Variants in SUMO3 observed in about 807,000 individuals in gnomAD.
SUMO3 encodes the protein small ubiquitin like modifier 3.
SUMO3 carries 2 observed loss-of-function variants against 11.1 expected under a neutral mutation model. That is an observed-to-expected ratio of 0.18 (90% CI 0.07 to 0.57). SUMO3 has a LOEUF of 0.57. Ranked by LOEUF, SUMO3 falls within the 20% of genes least tolerant of loss-of-function variation. The probability of loss-of-function intolerance (pLI) is 0.92; values close to 1 mark genes in which losing one functional copy is unlikely to be tolerated. For synonymous variants in SUMO3, 56 were observed against 53.5 expected (o/e 1.05, Z -0.20); for missense variants, 70 against 132.8 (o/e 0.53, Z 2.32).
At position 44,810,661 on chromosome 21, in the gene SUMO3, A is replaced by G. The variant is rs192275904; in HGVS notation, c.151-1543T>C. Among the ~76,000 whole-genome samples, 13 of 152,276 alleles carry G rather than the reference A, an allele frequency of 8.5e-5. No homozygotes were observed. In the East Asian group the frequency reaches 2.1e-3, roughly 25 times the overall value. On this transcript the variant is annotated intron_variant, in intron 2 of 3. Transcript: ENST00000332859. The surrounding 1 kb of genome is among the most constrained non-coding windows in gnomAD (Gnocchi z 4.1). ...CTGGAGGACTCAACTCTCAAACTGT[A>G]GCATCTGGGCGCCTCCAGAACCTGC... is the stretch of plus-strand genomic sequence containing the variant.
chr21:44,809,665 C>T (rs2083199108), intron 2 of SUMO3, among the ~76,000 whole-genome samples: 2 of 152,208 alleles, frequency 1.3e-5, no homozygotes, highest in African/African-American at 2.4e-5. Flanking sequence ...GTCACAGTGA[C>T]GCTAGCTCAG....
chr21:44,817,867 G>A (rs969326286), intron 1 of SUMO3, 81 bp downstream of exon 1: 1 of 560,064 alleles, frequency 1.8e-6, no homozygotes, highest in East Asian at 6.8e-5. Context: ...GACGCGGGGC[G>A]GAGTCGGGGT....
chr21:44,811,853 G>C lies in SUMO3; in HGVS notation c.150+2123C>G, dbSNP rs1173698910. Among the ~76,000 whole-genome samples, 2 of 152,102 alleles carry C rather than the reference G, an allele frequency of 1.3e-5. No homozygotes were observed. Among genetic ancestry groups the C allele is most frequent in the Non-Finnish European group, 2.9e-5 (2 of 68,020 alleles). ...GTCTGGAGAAGGATACAAATTATCA[G>C]AGAACTAACATAAGGCATATTTCCT... On this transcript the variant is annotated intron_variant, in intron 2 of 3. Coordinates refer to ENST00000332859, the MANE Select transcript of SUMO3 (RefSeq NM_006936.3). The surrounding 1 kb of genome is among the most constrained non-coding windows in gnomAD (Gnocchi z 5.0).
chr21:44,816,812 C>T (rs950525967), intron 1 of SUMO3, among the ~76,000 whole-genome samples: 7 of 149,604 alleles, frequency 4.7e-5, no homozygotes, highest in Admixed American at 2.0e-4. Context: ...GAGGGGTGGG[C>T]GCGCATGGTG....
In SUMO3 at chr21:44,806,663, A is replaced by G. The variant is rs1439112679; in HGVS notation, c.*288T>C. The G allele has an allele frequency of 3.2e-6, 2 of 617,610 alleles. No homozygotes were observed. The highest frequency in any genetic ancestry group is 3.8e-5 in the African/African-American group (2 of 52,232). 38.3% of individuals were successfully genotyped at this position (617,610 alleles called of 1,614,324 possible). ...CAGGCTATAATTTTGGGGTTAAAAA[A>G]ATGTTGTAGGAGGGGGGGAAAACAC... On this transcript the variant is annotated 3_prime_UTR_variant, in exon 4 of 4. Coordinates refer to ENST00000332859, the MANE Select transcript of SUMO3 (RefSeq NM_006936.3).
In SUMO3 at chr21:44,809,095, T is replaced by C; in HGVS notation, c.174A>G (p.Arg58=). The C allele has an allele frequency of 6.2e-7, 1 of 1,614,056 alleles. No homozygotes were observed. The highest frequency in any genetic ancestry group is 1.1e-5 in the South Asian group (1 of 91,072). Residue 58 remains arginine, a synonymous_variant, in exon 3 of 4, where the codon AGA becomes AGG. Coordinates refer to ENST00000332859, the MANE Select transcript of SUMO3 (RefSeq NM_006936.3). ...ERQGLSMRQI[R]FRFDGQPINE... is the part of the protein sequence containing the mutation. ...TGATTGGCTGCCCGTCGAACCTGAA[T>C]CTGATCTGCCTCATTGACAAGCCCT...
intron 1 of SUMO3, 91 bp downstream of exon 1, chr21:44,817,857 G>C (rs1281333185): frequency 1.4e-5 from 4 of 282,964 alleles, no homozygotes; most frequent in African/African-American, 3.1e-5. Context: ...TCAGGGGCGG[G>C]ACGCGGGGCG....
chr21:44,809,601 C>G (rs555534981), intron 2 of SUMO3, among the ~76,000 whole-genome samples: 6 of 152,218 alleles, frequency 3.9e-5, no homozygotes, highest in Non-Finnish European at 7.3e-5. Context: ...ACTCATGTAC[C>G]TCTAAAATCC....
In SUMO3 at chr21:44,806,811, C is replaced by T; in HGVS notation, c.*140G>A. 6.9e-7 allele frequency: 1 copy of T among 1,458,202 alleles called. No homozygotes were observed. 90.3% of individuals were successfully genotyped at this position (1,458,202 alleles called of 1,614,324 possible). ...CCTGCAGATATAGTTTTGAGTTGCA[C>T]TTGAAGTACATCAAAGAGAGGAAAA... On this transcript the variant is annotated 3_prime_UTR_variant, in exon 4 of 4. Coordinates refer to ENST00000332859, the MANE Select transcript of SUMO3 (RefSeq NM_006936.3).
intron 1 of SUMO3, among the ~76,000 whole-genome samples, chr21:44,817,200 C>A (rs1209641993): frequency 1.4e-5 from 1 of 72,134 alleles, no homozygotes; most frequent in Admixed American, 1.7e-4. Context: ...CACCGGGGGG[C>A]GCGATGGGGA....
rs549550799 is a variant in SUMO3 at position 44,810,932 on chromosome 21, C to A, written c.151-1814G>T. On this transcript the variant is annotated intron_variant, in intron 2 of 3. Coordinates refer to ENST00000332859, the MANE Select transcript of SUMO3 (RefSeq NM_006936.3). The surrounding 1 kb of genome is among the most constrained non-coding windows in gnomAD (Gnocchi z 4.1). ...CACACATGCCCACACCCACACATGCCCACACCCACACACATGCACACACCC... is the reference window on the plus strand; with the variant it reads ...CACACATGCCCACACCCACACATGCACACACCCACACACATGCACACACCC... Among the ~76,000 whole-genome samples, 6 of 147,820 alleles carry A rather than the reference C, an allele frequency of 4.1e-5. No individual in the cohort carries two copies. Among genetic ancestry groups the A allele is most frequent in the South Asian group, 2.2e-4 (1 of 4,590 alleles).
chr21:44,807,185 C>G lies in SUMO3; in HGVS notation c.223-145G>C. 2.1e-6 allele frequency: 2 copies of G among 959,228 alleles called. No individual in the cohort carries two copies. The highest frequency in any genetic ancestry group is 3.2e-5 in the South Asian group (2 of 61,580). 59.4% of individuals were successfully genotyped at this position (959,228 alleles called of 1,614,324 possible). A position where few individuals can be genotyped will look rare whatever the true frequency, so the allele number is the denominator to read the frequency against. ...ACACCTTGGCTCTTGTCCGTCCCCT[C>G]ACTGCAGCTCAGCACGCATGGAAGA... is the stretch of plus-strand genomic sequence containing the variant. On this transcript the variant is annotated intron_variant, in intron 3 of 3. Coordinates refer to ENST00000332859, the MANE Select transcript of SUMO3 (RefSeq NM_006936.3). The surrounding 1 kb of genome is among the most constrained non-coding windows in gnomAD (Gnocchi z 4.3).
chr21:44,814,154 G>A (rs571587348), intron 1 of SUMO3, 50 bp from the exon 2 acceptor site: 17 of 1,591,490 alleles, frequency 1.1e-5, no homozygotes, highest in South Asian at 4.4e-5. Flanking sequence ...CAAAATAACC[G>A]CGACTTGAAT....
chr21:44,807,168 G>A lies in SUMO3; in HGVS notation c.223-128C>T. 1.7e-6 allele frequency: 2 copies of A among 1,160,222 alleles called. No individual in the cohort carries two copies. Among genetic ancestry groups the A allele is most frequent in the Non-Finnish European group, 2.4e-6 (2 of 825,886 alleles). The allele number at this position is 1,160,222 out of a possible 1,614,324, so 71.9% of individuals were successfully genotyped here. ...AGCGACATCACCTGGTCACACCTTG[G>A]CTCTTGTCCGTCCCCTCACTGCAGC... On this transcript the variant is annotated intron_variant, in intron 3 of 3. Transcript: ENST00000332859. The surrounding 1 kb of genome is among the most constrained non-coding windows in gnomAD (Gnocchi z 4.3).
chr21:44,810,738 C>T lies in SUMO3; in HGVS notation c.151-1620G>A, dbSNP rs554508530. On this transcript the variant is annotated intron_variant, in intron 2 of 3. Transcript: ENST00000332859. The surrounding 1 kb of genome is among the most constrained non-coding windows in gnomAD (Gnocchi z 4.1). Reference sequence around the variant, plus strand: ...TGCACAGCCCTGGCAGCACAGCCATCCATGTACACAGCTTTTCAGCAGCTT... The same window carrying T: ...TGCACAGCCCTGGCAGCACAGCCATTCATGTACACAGCTTTTCAGCAGCTT... Among the ~76,000 whole-genome samples the T allele has an allele frequency of 6.6e-6, 1 of 152,272 alleles. No individual in the cohort carries two copies. The highest frequency in any genetic ancestry group is 1.9e-4 in the East Asian group (1 of 5,176).
At chr21:44,808,546 T>C in intron 3 of SUMO3, 1 of 1,403,828 alleles carries the variant, frequency 7.1e-7, no homozygotes. Context: ...GGTCCAAAGC[T>C]CTTTCCATGA....
intron 2 of SUMO3, 144 bp from the exon 3 acceptor site, chr21:44,809,262 A>G (rs1194502945): frequency 2.7e-6 from 2 of 748,098 alleles, no homozygotes; most frequent in Non-Finnish European, 4.5e-6. Context: ...TCAAAAACCA[A>G]ATATTTTAAT....
Position 44,817,991 on chromosome 21 carries a change from G to GGCGGCGCGGGGGAA in SUMO3, c.-37_-24dup. 8.6e-7 allele frequency: 1 copy of GGCGGCGCGGGGGAA among 1,166,468 alleles called. No individual in the cohort carries two copies. Among genetic ancestry groups the GGCGGCGCGGGGGAA allele is most frequent in the Non-Finnish European group, 1.1e-6 (1 of 949,250 alleles). The allele number at this position is 1,166,468 out of a possible 1,614,324, so 72.3% of individuals were successfully genotyped here. A position where few individuals can be genotyped will look rare whatever the true frequency, so the allele number is the denominator to read the frequency against. On this transcript the variant is annotated 5_prime_UTR_variant, in exon 1 of 4. Coordinates refer to ENST00000332859, the MANE Select transcript of SUMO3 (RefSeq NM_006936.3). Reference sequence around the variant, plus strand: ...CATGGCTGCGCGAGCGGCGCGGGGAGGCGGCGCGGGGGAAGCAGCGCGGAG... The same window carrying GGCGGCGCGGGGGAA: ...CATGGCTGCGCGAGCGGCGCGGGGAGGCGGCGCGGGGGAAGCGGCGCGGGGGAAGCAGCGCGGAG...
Position 44,810,339 on chromosome 21 carries a change from G to T in SUMO3, c.151-1221C>A, listed in dbSNP as rs1158217308. Among the ~76,000 whole-genome samples the T allele has an allele frequency of 6.6e-6, 1 of 152,178 alleles. No individual in the cohort carries two copies. The highest frequency in any genetic ancestry group is 1.5e-5 in the Non-Finnish European group (1 of 68,032). On this transcript the variant is annotated intron_variant, in intron 2 of 3. Coordinates refer to ENST00000332859, the MANE Select transcript of SUMO3 (RefSeq NM_006936.3). The surrounding 1 kb of genome is among the most constrained non-coding windows in gnomAD (Gnocchi z 4.1). ...AGGCGTGGACACTGGTGGTCTGATGGACACTGGACCAGGATCCTAGGGCGG... is the reference window on the plus strand; with the variant it reads ...AGGCGTGGACACTGGTGGTCTGATGTACACTGGACCAGGATCCTAGGGCGG...
Sources: allele counts gnomAD v4.1 joint callset (sites outside exome capture counted in the v4.1 genomes callset), GRCh38; gene constraint gnomAD v4.1.1; non-coding constraint Gnocchi (gnomAD v3.1); transcripts MANE v1.5; gene names NCBI Gene and HGNC (gene_info 2026-07-23, HGNC 2026-07-21).